PDE4D: variants seen among roughly 807,000 people sequenced by gnomAD.
The protein encoded by PDE4D is phosphodiesterase 4D.
Under a neutral mutation model 87.4 loss-of-function variants are expected in PDE4D, and 24 were observed. The observed-to-expected ratio is 0.27, with a 90% CI of 0.20 to 0.39. The LOEUF (loss-of-function observed/expected upper bound fraction) is 0.39, where lower values mean the gene tolerates loss of function less well. Among genes scored for constraint, PDE4D ranks in the 10% least tolerant of loss-of-function variants. The pLI, the probability that PDE4D is intolerant of heterozygous loss-of-function variation, is 1.00. For synonymous variants in PDE4D, 384 were observed against 383.2 expected, an observed-to-expected ratio of 1.00 and a Z score of -0.02; for missense variants, 714 against 1,041.0, an observed-to-expected ratio of 0.69 and a Z score of 4.32.
At chr5:60,180,522 G>C (rs973434837) in intron 2 of PDE4D, among the ~76,000 whole-genome samples, 2 of 152,092 alleles carry the variant, frequency 1.3e-5, no homozygotes, top group African/African-American at 4.8e-5. Context: ...GGTGATCAGG[G>C]TTAGGGAGAC....
chr5:59,737,437 A>T (rs1486275177), intron 1 of PDE4D, among the ~76,000 whole-genome samples: 1 of 152,128 alleles, frequency 6.6e-6, no homozygotes, highest in Admixed American at 6.6e-5. Flanking sequence ...GAAAGAAAAA[A>T]ATTGTGACCT....
chr5:59,918,969 A>C (rs975485293), intron 3 of PDE4D, among the ~76,000 whole-genome samples: 1 of 152,246 alleles, frequency 6.6e-6, no homozygotes, highest in African/African-American at 2.4e-5. Flanking sequence ...TGAAATATTC[A>C]AGGAAGCAAA....
At chr5:59,529,495 T>C (rs1458635982) in intron 1 of PDE4D, among the ~76,000 whole-genome samples, 2 of 151,928 alleles carry the variant, frequency 1.3e-5, no homozygotes, top group African/African-American at 2.4e-5. Context: ...TGTGCAGCAA[T>C]AGGGGCACAA....
chr5:60,133,021 G>T (rs1779720519), intron 2 of PDE4D, among the ~76,000 whole-genome samples: 1 of 152,134 alleles, frequency 6.6e-6, no homozygotes, highest in African/African-American at 2.4e-5. Context: ...TCTTCAGGTT[G>T]TGTTCCACTT....
At chr5:59,117,636 T>C (rs749346480) in intron 5 of PDE4D, among the ~76,000 whole-genome samples, 5 of 152,186 alleles carry the variant, frequency 3.3e-5, no homozygotes, top group Non-Finnish European at 5.9e-5. Context: ...TATTTGACAT[T>C]GAGAACTGCA....
At chr5:60,084,629 A>C (rs1582572962) in intron 2 of PDE4D, among the ~76,000 whole-genome samples, 1 of 152,264 alleles carries the variant, frequency 6.6e-6, no homozygotes, top group East Asian at 1.9e-4. Context: ...ACTACTTAAA[A>C]GAACATTTTA....
At chr5:60,303,406 TC>T (rs1754115356) in intron 1 of PDE4D, among the ~76,000 whole-genome samples, 1 of 151,198 alleles carries the variant, frequency 6.6e-6, no homozygotes, top group Admixed American at 6.6e-5. Flanking sequence ...CCTCCCGGGT[TC>T]ACGCCATTCT....
chr5:59,093,496 C>T (rs1769110929), intron 5 of PDE4D, among the ~76,000 whole-genome samples: 1 of 152,210 alleles, frequency 6.6e-6, no homozygotes, highest in Non-Finnish European at 1.5e-5. Flanking sequence ...CATTAGCAGT[C>T]AGTTATATGC....
At chr5:59,593,335 AG>A (rs1461040969) in intron 1 of PDE4D, among the ~76,000 whole-genome samples, 24 of 151,208 alleles carry the variant, frequency 1.6e-4, no homozygotes, top group Non-Finnish European at 2.8e-4. Flanking sequence ...AAAAAAAAAA[AG>A]AGAAATGTTG....
At chr5:59,018,169 A>T (rs1016057740) in intron 6 of PDE4D, among the ~76,000 whole-genome samples, 2 of 152,248 alleles carry the variant, frequency 1.3e-5, no homozygotes, top group Non-Finnish European at 2.9e-5. Flanking sequence ...CTGCATTAAA[A>T]TTTCTACAAT....
chr5:59,189,443 G>A (rs539170884), intron 3 of PDE4D, among the ~76,000 whole-genome samples: 23 of 151,898 alleles, frequency 1.5e-4, no homozygotes, highest in African/African-American at 5.6e-4. Flanking sequence ...TAATGCTTGG[G>A]TTTTCCTGTT....
At chr5:59,952,070 C>G (rs1311655245) in intron 3 of PDE4D, among the ~76,000 whole-genome samples, 1 of 152,064 alleles carries the variant, frequency 6.6e-6, no homozygotes, top group Non-Finnish European at 1.5e-5. Flanking sequence ...GGGGCAGTTT[C>G]CCCCATCCGG....
chr5:59,024,879 C>T (rs771656220), intron 6 of PDE4D, among the ~76,000 whole-genome samples: 10 of 152,090 alleles, frequency 6.6e-5, no homozygotes, highest in Non-Finnish European at 1.3e-4. Flanking sequence ...TAGGTTTCAT[C>T]CTTATCACAG....
chr5:59,730,548 T>G (rs945978635), intron 1 of PDE4D, among the ~76,000 whole-genome samples: 1 of 152,154 alleles, frequency 6.6e-6, no homozygotes, highest in African/African-American at 2.4e-5. Context: ...ATGAGATTCA[T>G]TTAACAAGCT....
chr5:59,032,301 A>T (rs966634946), intron 6 of PDE4D, among the ~76,000 whole-genome samples: 32 of 152,330 alleles, frequency 2.1e-4, no homozygotes, highest in African/African-American at 6.7e-4. Context: ...ATAATAGCAG[A>T]TATGAATGTA....
chr5:60,407,052 G>A (rs1371022583), intron 1 of PDE4D, among the ~76,000 whole-genome samples: 2 of 151,440 alleles, frequency 1.3e-5, no homozygotes, highest in East Asian at 1.9e-4. Context: ...GAGATGAGAT[G>A]TGACGGAAAA....
intron 5 of PDE4D, among the ~76,000 whole-genome samples, chr5:59,097,363 T>C (rs1336451467): frequency 6.6e-6 from 1 of 152,200 alleles, no homozygotes; most frequent in African/African-American, 2.4e-5. Flanking sequence ...AGAAGTACAA[T>C]ACGAAGTTTC....
intron 1 of PDE4D, among the ~76,000 whole-genome samples, chr5:59,736,901 C>T (rs1330360899): frequency 6.6e-6 from 1 of 152,030 alleles, no homozygotes. Flanking sequence ...TTCTTCTTTG[C>T]AATTTTTGGA....
At chr5:59,935,198 G>C (rs1162162408) in intron 3 of PDE4D, among the ~76,000 whole-genome samples, 1 of 152,092 alleles carries the variant, frequency 6.6e-6, no homozygotes, top group East Asian at 1.9e-4. Flanking sequence ...ATAGAGAGCT[G>C]AATTTAATGT....
Sources: gnomAD v4.1 joint callset for allele counts (sites outside exome capture counted in the v4.1 genomes callset) on GRCh38, gnomAD v4.1.1 for gene constraint, MANE v1.5 for transcripts, NCBI Gene and HGNC (gene_info 2026-07-23, HGNC 2026-07-21) for gene names.